BCAT1: variants seen among roughly 807,000 people sequenced by gnomAD.
BCAT1 encodes the protein branched-chain-amino-acid aminotransferase, cytosolic.
BCAT1 carries 48 observed loss-of-function variants against 52.4 expected under a neutral mutation model. That is an observed-to-expected ratio of 0.92 (90% confidence interval 0.73 to 1.16). BCAT1 has a LOEUF of 1.16. BCAT1 is among the 50% of genes most tolerant of loss of function. The pLI, the probability that BCAT1 is intolerant of heterozygous loss-of-function variation, is 0.00. For missense variants in BCAT1, 451 were observed against 457.1 expected (o/e 0.99, Z 0.12); for synonymous variants, 167 against 161.3 (o/e 1.04, Z -0.27).
At chr12:24,867,481 TATGGGC>T (rs1942057611) in intron 5 of BCAT1, among the ~76,000 whole-genome samples, 1 of 152,180 alleles carries the variant, frequency 6.6e-6, no homozygotes, top group South Asian at 2.1e-4. Context: ...TTCCAGTGGC[TATGGGC>T]ATTGGTGACA....
At chr12:24,843,316 G>A (rs1391583399) in intron 6 of BCAT1, among the ~76,000 whole-genome samples, 1 of 150,542 alleles carries the variant, frequency 6.6e-6, no homozygotes, top group African/African-American at 2.4e-5. Context: ...TAAAAGTTGA[G>A]CATGAGGCCA....
intron 1 of BCAT1, among the ~76,000 whole-genome samples, chr12:24,933,389 A>G (rs1233550748): frequency 6.6e-6 from 1 of 152,092 alleles, no homozygotes; most frequent in East Asian, 1.9e-4. Flanking sequence ...ACTCAATAGC[A>G]AAGCTGGGGC....
intron 5 of BCAT1, among the ~76,000 whole-genome samples, chr12:24,863,899 C>G (rs764799851): frequency 3.3e-5 from 5 of 152,030 alleles, no homozygotes; most frequent in South Asian, 4.1e-4. Flanking sequence ...CCACTGTACT[C>G]CAGCCTGGGT....
chr12:24,836,484 A>T, intron 8 of BCAT1, 27 bp downstream of exon 8: 3 of 1,576,312 alleles, frequency 1.9e-6, no homozygotes, highest in Non-Finnish European at 2.6e-6. Flanking sequence ...CAGGCTTACA[A>T]AAGTTGTTCA....
chr12:24,849,550 T>C (rs1941442958), intron 6 of BCAT1, among the ~76,000 whole-genome samples: 2 of 152,222 alleles, frequency 1.3e-5, no homozygotes. Context: ...CAAAGGGCCA[T>C]GGGCTATCCT....
chr12:24,869,714 G>T (rs1457364715), intron 5 of BCAT1, among the ~76,000 whole-genome samples: 1 of 152,138 alleles, frequency 6.6e-6, no homozygotes, highest in Non-Finnish European at 1.5e-5. Flanking sequence ...CATAAAGAAG[G>T]AAGTGCTATA....
intron 2 of BCAT1, 73 bp from the exon 3 acceptor site, chr12:24,894,548 A>G (rs1373187528): frequency 6.5e-5 from 67 of 1,023,932 alleles, no homozygotes; most frequent in Non-Finnish European, 7.7e-5. Flanking sequence ...ACAGAGGGGA[A>G]AAAAAAAAAG....
intron 3 of BCAT1, among the ~76,000 whole-genome samples, chr12:24,890,201 GA>G (rs1224995447): frequency 6.6e-6 from 1 of 152,204 alleles, no homozygotes; most frequent in East Asian, 1.9e-4. Context: ...CATTCCAGAG[GA>G]CAGGACTTGT....
chr12:24,876,679 C>T (rs1185774205), intron 5 of BCAT1, among the ~76,000 whole-genome samples: 1 of 152,094 alleles, frequency 6.6e-6, no homozygotes, highest in African/African-American at 2.4e-5. Context: ...GTACTCCTTC[C>T]TATCATAAAG....
At chr12:24,855,818 G>C (rs1403343742) in intron 5 of BCAT1, among the ~76,000 whole-genome samples, 1 of 150,956 alleles carries the variant, frequency 6.6e-6, no homozygotes, top group Non-Finnish European at 1.5e-5. Context: ...TTTAGAGACA[G>C]AGTCTTGCCA....
intron 5 of BCAT1, among the ~76,000 whole-genome samples, chr12:24,854,535 C>A (rs1941609757): frequency 6.6e-6 from 1 of 152,094 alleles, no homozygotes; most frequent in South Asian, 2.1e-4. Context: ...GCGGTCCATA[C>A]AGGGCTTGAA....
At chr12:24,936,441 C>T (rs1004739918) in intron 1 of BCAT1, among the ~76,000 whole-genome samples, 7 of 152,154 alleles carry the variant, frequency 4.6e-5, no homozygotes, top group Non-Finnish European at 7.4e-5. Flanking sequence ...CCATGTTGGC[C>T]AGGCTAGTCT....
chr12:24,940,750 C>T (rs545703102), intron 1 of BCAT1, among the ~76,000 whole-genome samples: 5 of 152,172 alleles, frequency 3.3e-5, no homozygotes, highest in Admixed American at 6.5e-5. Context: ...TGCCAGAACT[C>T]TCCACAGGGA....
intron 1 of BCAT1, among the ~76,000 whole-genome samples, chr12:24,917,645 T>C (rs765938763): frequency 6.6e-6 from 1 of 152,216 alleles, no homozygotes; most frequent in Non-Finnish European, 1.5e-5. Context: ...ATAAAGCAAT[T>C]TACTGCATAT....
chr12:24,842,339 A>G, intron 6 of BCAT1, 115 bp from the exon 7 acceptor site: 1 of 1,149,254 alleles, frequency 8.7e-7, no homozygotes, highest in Admixed American at 2.4e-5. Context: ...TGAAGGTATT[A>G]TGTTCTTAAT....
At chr12:24,900,585 C>T (rs1943075936) in intron 2 of BCAT1, among the ~76,000 whole-genome samples, 1 of 151,790 alleles carries the variant, frequency 6.6e-6, no homozygotes, top group African/African-American at 2.4e-5. Context: ...AAGACTCTGT[C>T]TCAAAAAAAA....
At chr12:24,881,590 G>T (rs1439401849) in intron 3 of BCAT1, among the ~76,000 whole-genome samples, 179 bp from the exon 4 acceptor site, 1 of 152,190 alleles carries the variant, frequency 6.6e-6, no homozygotes, top group African/African-American at 2.4e-5. Flanking sequence ...TAAAAACAAT[G>T]GTTGAGGTGG....
chr12:24,839,777 G>A (rs934954867), intron 7 of BCAT1, among the ~76,000 whole-genome samples: 56 of 152,048 alleles, frequency 3.7e-4, no homozygotes, highest in African/African-American at 1.3e-3. Context: ...ACCTCCTATC[G>A]GTAACGTTTG....
intron 5 of BCAT1, among the ~76,000 whole-genome samples, chr12:24,874,082 G>A (rs1169611213): frequency 3.3e-5 from 5 of 152,134 alleles, no homozygotes; most frequent in African/African-American, 1.2e-4. Context: ...GGGAGGCCGA[G>A]GTGGGCAGAA....
Sources: allele counts gnomAD v4.1 joint callset (sites outside exome capture counted in the v4.1 genomes callset), GRCh38; gene constraint gnomAD v4.1.1; transcripts MANE v1.5; gene names NCBI Gene and HGNC (gene_info 2026-07-23, HGNC 2026-07-21).